The following OPCML variants were observed in gnomAD, a reference collection of about 807,000 sequenced individuals.
The protein encoded by OPCML is opioid binding protein/cell adhesion molecule like.
A neutral mutation model predicts 37.8 loss-of-function variants in OPCML; 13 were observed. That is an observed-to-expected ratio of 0.34 (90% confidence interval 0.22 to 0.55). OPCML has a LOEUF of 0.55. OPCML is among the 20% of genes least tolerant of loss of function. The pLI is 0.91. For missense variants in OPCML, 341 were observed against 435.6 expected (o/e 0.78, Z 1.93); for synonymous variants, 176 against 168.8 (o/e 1.04, Z -0.33).
intron 1 of OPCML, among the ~76,000 whole-genome samples, chr11:133,063,538 G>C (rs1948386496): frequency 6.6e-6 from 1 of 151,442 alleles, no homozygotes; most frequent in African/African-American, 2.4e-5. Context: ...TCAGTCTCAT[G>C]GTCAGAAAAG....
intron 2 of OPCML, among the ~76,000 whole-genome samples, chr11:132,678,145 A>T (rs1400346859): frequency 6.6e-6 from 1 of 152,236 alleles, no homozygotes; most frequent in African/African-American, 2.4e-5. Context: ...ATCTGAAAAG[A>T]TGCTCCACAT....
intron 1 of OPCML, among the ~76,000 whole-genome samples, chr11:133,028,314 A>G (rs1170804496): frequency 6.6e-6 from 1 of 152,028 alleles, no homozygotes. Flanking sequence ...GGGGAAGCAT[A>G]TATTTGGAAA....
chr11:132,831,379 AT>A (rs1283414670), intron 2 of OPCML, among the ~76,000 whole-genome samples: 1 of 152,182 alleles, frequency 6.6e-6, no homozygotes, highest in Admixed American at 6.5e-5. Context: ...AATAATCTAC[AT>A]TCATAAGCCC....
chr11:133,427,621 T>C, intron 1 of OPCML, among the ~76,000 whole-genome samples: 1 of 152,002 alleles, frequency 6.6e-6, no homozygotes, highest in Middle Eastern at 3.4e-3. Flanking sequence ...ATTTAGAAAA[T>C]ATTCTTTAAA....
intron 1 of OPCML, among the ~76,000 whole-genome samples, chr11:132,948,510 A>G (rs1945794258): frequency 1.3e-5 from 2 of 152,178 alleles, no homozygotes; most frequent in African/African-American, 4.8e-5. Flanking sequence ...ATTAGATAAA[A>G]GAAATGTGTG....
At chr11:133,143,043 C>T (rs1458235244) in intron 1 of OPCML, among the ~76,000 whole-genome samples, 3 of 152,150 alleles carry the variant, frequency 2.0e-5, no homozygotes, top group Non-Finnish European at 2.9e-5. Flanking sequence ...TCACAAACAG[C>T]CCCAGTGTGT....
intron 4 of OPCML, among the ~76,000 whole-genome samples, chr11:132,501,534 G>T (rs1202929355): frequency 6.6e-6 from 1 of 152,140 alleles, no homozygotes; most frequent in Non-Finnish European, 1.5e-5. Flanking sequence ...GCTTTTTCCA[G>T]CCTATATCTG....
At chr11:132,516,460 T>C (rs1345291255) in intron 4 of OPCML, among the ~76,000 whole-genome samples, 1 of 152,126 alleles carries the variant, frequency 6.6e-6, no homozygotes, top group Non-Finnish European at 1.5e-5. Context: ...GATGGATACA[T>C]GTGTGTGTAC....
intron 2 of OPCML, among the ~76,000 whole-genome samples, chr11:132,796,052 A>G (rs962059325): frequency 1.7e-4 from 26 of 152,218 alleles, no homozygotes; most frequent in African/African-American, 6.0e-4. Context: ...TCTACATTGT[A>G]TCAGGTACTA....
chr11:132,657,697 T>C (rs1398040996), intron 2 of OPCML, among the ~76,000 whole-genome samples: 1 of 152,172 alleles, frequency 6.6e-6, no homozygotes, highest in Non-Finnish European at 1.5e-5. Context: ...TGGATCAGCA[T>C]TTCAAATAGG....
In OPCML at chr11:133,140,531, T is replaced by TAAGAAGAAGAAGAAGAAG. The variant is rs1168417109; in HGVS notation, c.62-197539_62-197522dup. 9.9e-3 allele frequency among the ~76,000 whole-genome samples: 871 copies of TAAGAAGAAGAAGAAGAAG among 88,062 alleles called. 12 individuals are homozygous for TAAGAAGAAGAAGAAGAAG. The highest frequency in any genetic ancestry group is 0.015 in the Admixed American group (97 of 6,294). 57.8% of individuals were successfully genotyped at this position (88,062 alleles called of 152,430 possible). ...TGTCTCAAAATAATAATAATAATAA[T>TAAGAAGAAGAAGAAGAAG]AAGAAGAAGAAGAAGAAGAAGAAGA... On this transcript the variant is annotated intron_variant, in intron 1 of 7. Transcript: ENST00000524381.
intron 1 of OPCML, among the ~76,000 whole-genome samples, chr11:133,226,697 G>A (rs530329308): frequency 1.7e-4 from 26 of 152,178 alleles, no homozygotes; most frequent in Admixed American, 1.3e-3. Context: ...AAGCTAATGG[G>A]ACCAATTCAA....
intron 1 of OPCML, among the ~76,000 whole-genome samples, chr11:132,990,312 A>G (rs1321384885): frequency 6.6e-6 from 1 of 152,260 alleles, no homozygotes; most frequent in Admixed American, 6.5e-5. Flanking sequence ...CCATCGATCT[A>G]TAACTCATTG....
In OPCML at chr11:133,145,257, T is replaced by A. The variant is rs1441663640; in HGVS notation, c.62-202247A>T. ...AAATGTTCTAGAAAGACATATTTTA[T>A]CAAGGTGGAGGAGAGTGGCCATATC... On this transcript the variant is annotated intron_variant, in intron 1 of 7. Coordinates refer to ENST00000524381, the MANE Select transcript of OPCML (RefSeq NM_001012393.5). 2.6e-5 allele frequency among the ~76,000 whole-genome samples: 4 copies of A among 152,228 alleles called. No homozygotes were observed. The East Asian group carries it at 7.7e-4, about 29-fold the overall frequency.
At chr11:133,160,898 G>A (rs1168133483) in intron 1 of OPCML, among the ~76,000 whole-genome samples, 2 of 152,222 alleles carry the variant, frequency 1.3e-5, no homozygotes, top group Non-Finnish European at 2.9e-5. Flanking sequence ...GAGGGCCGGA[G>A]CACCACGTGG....
intron 1 of OPCML, among the ~76,000 whole-genome samples, chr11:133,390,268 G>A (rs941476780): frequency 6.6e-6 from 1 of 152,054 alleles, no homozygotes; most frequent in Non-Finnish European, 1.5e-5. Flanking sequence ...GACCATCCTG[G>A]CTAATACGCT....
rs771850662 is a variant in OPCML, at chr11:133,053,524, A to G, written c.62-110514T>C. ...GGCTCTGTTCCCATTTTGCGATTGA[A>G]ATTTCTGTTGTCAAGATCACCTAGG... On this transcript the variant is annotated intron_variant, in intron 1 of 7. Transcript: ENST00000524381. Among the ~76,000 whole-genome samples, 9 of 152,122 alleles carry G rather than the reference A, an allele frequency of 5.9e-5. No individual in the cohort carries two copies. The South Asian group carries it at 8.3e-4, about 14-fold the overall frequency.
intron 1 of OPCML, among the ~76,000 whole-genome samples, chr11:133,070,571 A>T (rs1047578980): frequency 1.3e-5 from 2 of 152,198 alleles, no homozygotes; most frequent in Non-Finnish European, 2.9e-5. Flanking sequence ...TTCAGAGCCT[A>T]TGAAGAGAGG....
At position 132,819,773 on chromosome 11, in the gene OPCML, C is replaced by A. The variant is rs1265701915; in HGVS notation, c.146+123153G>T. ...TCTATATTTCCCTCAAGAAATACAA[C>A]AAGAGACATCATCAGTAAGTCACTT... On this transcript the variant is annotated intron_variant, in intron 2 of 7. Coordinates refer to ENST00000524381, the MANE Select transcript of OPCML (RefSeq NM_001012393.5). 2.0e-5 allele frequency among the ~76,000 whole-genome samples: 3 copies of A among 152,138 alleles called. No homozygotes were observed. The East Asian group carries it at 5.8e-4, about 29-fold the overall frequency.
Sources: gnomAD v4.1 joint callset for allele counts (sites outside exome capture counted in the v4.1 genomes callset) on GRCh38, gnomAD v4.1.1 for gene constraint, MANE v1.5 for transcripts, NCBI Gene and HGNC (gene_info 2026-07-23, HGNC 2026-07-21) for gene names.